The following UBASH3B variants were observed in gnomAD, a reference collection of about 807,000 sequenced individuals.
UBASH3B encodes the protein ubiquitin associated and SH3 domain containing B, also known as ubiquitin-associated and SH3 domain-containing protein B.
UBASH3B carries 37 observed loss-of-function variants against 83.4 expected under a neutral mutation model. The ratio of observed to expected loss-of-function variants is 0.44; its 90% CI spans 0.34 to 0.58. The LOEUF (loss-of-function observed/expected upper bound fraction) is 0.58, where lower values mean the gene tolerates loss of function less well. Among genes scored for constraint, UBASH3B ranks in the 20% least tolerant of loss-of-function variants. UBASH3B has a pLI of 0.01. For missense variants in UBASH3B, 657 were observed against 827.2 expected (o/e 0.79, Z 2.52); for synonymous variants, 304 against 318.3 (o/e 0.96, Z 0.48).
rs771679857 is a variant in UBASH3B at position 122,761,662 on chromosome 11, AGC to A, written c.162-14556_162-14555del. Among the ~76,000 whole-genome samples the A allele has an allele frequency of 7.2e-5, 11 of 151,754 alleles. No individual in the cohort carries two copies. In the South Asian group the frequency reaches 1.3e-3, roughly 17 times the overall value. ...AAATTACCCAAGTTTAAGTATTTTT[AGC>A]TGATTCTAGTGGGTTAGAGAGAAAA... On this transcript the variant is annotated intron_variant, in intron 1 of 13. Transcript: ENST00000284273.
intron 1 of UBASH3B, among the ~76,000 whole-genome samples, chr11:122,708,697 G>T (rs769964308): frequency 6.6e-6 from 1 of 152,110 alleles, no homozygotes; most frequent in Non-Finnish European, 1.5e-5. Context: ...AAAGATCCAC[G>T]CAGGTTTTGG....
At chr11:122,753,210 G>A (rs111711628) in intron 1 of UBASH3B, among the ~76,000 whole-genome samples, 6,625 of 151,632 alleles carry the variant, frequency 0.044, 174 homozygotes, top group Middle Eastern at 0.086. Context: ...TTGGGAGGCC[G>A]AGGCGGGCGG....
At position 122,792,964 on chromosome 11, in the gene UBASH3B, GTAGA is replaced by G. The variant is rs544486296; in HGVS notation, c.981-1733_981-1730del. Among the ~76,000 whole-genome samples the G allele has an allele frequency of 9.1e-4, 139 of 152,222 alleles. 1 individual carries two copies. The highest frequency in any genetic ancestry group is 3.3e-3 in the East Asian group (17 of 5,186). On this transcript the variant is annotated intron_variant, in intron 6 of 13. Transcript: ENST00000284273. ...GAGACTTCTGAGACTTCGTTTATAAGTAGATAGAATGAGTCTATCACTTCTAGTG... is the reference window on the plus strand; with the variant it reads ...GAGACTTCTGAGACTTCGTTTATAAGTAGAATGAGTCTATCACTTCTAGTG...
At chr11:122,796,800 GTGATCT>G in intron 8 of UBASH3B, 105 bp from the exon 9 acceptor site, 3 of 1,429,392 alleles carry the variant, frequency 2.1e-6, no homozygotes, top group Non-Finnish European at 2.9e-6. Context: ...AGAGCTCAGT[GTGATCT>G]CTTTGGCCAA....
intron 1 of UBASH3B, chr11:122,776,011 T>A: frequency 2.1e-6 from 1 of 487,706 alleles, no homozygotes; most frequent in Non-Finnish European, 3.6e-6. Flanking sequence ...AATCTGATGC[T>A]AATCACATGG....
chr11:122,694,814 G>A (rs1863941064), intron 1 of UBASH3B, among the ~76,000 whole-genome samples: 1 of 151,974 alleles, frequency 6.6e-6, no homozygotes. Context: ...GATTTAGTGT[G>A]CCACAGTGGA....
At chr11:122,739,734 AT>A in intron 1 of UBASH3B, among the ~76,000 whole-genome samples, 1 of 152,292 alleles carries the variant, frequency 6.6e-6, no homozygotes, top group South Asian at 2.1e-4. Flanking sequence ...GGCATAGCTC[AT>A]TTGCTGTGTA....
At chr11:122,665,293 T>G (rs985881202) in intron 1 of UBASH3B, among the ~76,000 whole-genome samples, 1 of 152,228 alleles carries the variant, frequency 6.6e-6, no homozygotes, top group African/African-American at 2.4e-5. Context: ...TCCTCCTGCC[T>G]CAGCCTTCTG....
At chr11:122,747,095 C>A (rs1861130936) in intron 1 of UBASH3B, among the ~76,000 whole-genome samples, 1 of 152,154 alleles carries the variant, frequency 6.6e-6, no homozygotes, top group Non-Finnish European at 1.5e-5. Context: ...ACCGGAGAGG[C>A]AGCTGGGCTG....
intron 1 of UBASH3B, among the ~76,000 whole-genome samples, chr11:122,679,635 T>G (rs1863713196): frequency 6.6e-6 from 1 of 152,178 alleles, no homozygotes; most frequent in Non-Finnish European, 1.5e-5. Flanking sequence ...AGTAAATATT[T>G]CAGGCTTGGC....
At chr11:122,739,612 A>G (rs1860992659) in intron 1 of UBASH3B, among the ~76,000 whole-genome samples, 1 of 152,194 alleles carries the variant, frequency 6.6e-6, no homozygotes, top group African/African-American at 2.4e-5. Flanking sequence ...CAGGAGACAT[A>G]AATTTTCTTC....
At chr11:122,671,604 T>A (rs1444036329) in intron 1 of UBASH3B, among the ~76,000 whole-genome samples, 1 of 152,208 alleles carries the variant, frequency 6.6e-6, no homozygotes, top group Non-Finnish European at 1.5e-5. Flanking sequence ...ACACCACAGA[T>A]CTCCCGGTAT....
intron 1 of UBASH3B, among the ~76,000 whole-genome samples, chr11:122,686,366 T>C (rs900165732): frequency 6.6e-6 from 1 of 152,214 alleles, no homozygotes; most frequent in Non-Finnish European, 1.5e-5. Flanking sequence ...GACAGCAGAC[T>C]CAGGTACAAT....
chr11:122,809,859 C>G lies in UBASH3B; in HGVS notation c.1923C>G (p.Asn641Lys), dbSNP rs139627911. 4 of 1,614,040 alleles carry G rather than the reference C, an allele frequency of 2.5e-6. No individual in the cohort carries two copies. Among genetic ancestry groups the G allele is most frequent in the Non-Finnish European group, 3.4e-6 (4 of 1,180,020 alleles). Reference sequence around the variant, plus strand: ...CCCATGGACCAACTGGGGGCTTCAACTGGAGAGAGACCTTGCTTCAAGAAT... The same window carrying G: ...CCCATGGACCAACTGGGGGCTTCAAGTGGAGAGAGACCTTGCTTCAAGAAT... ...PLTHGPTGGF[N>K]WRETLLQE Residue 641 changes from asparagine to lysine, a missense_variant, in exon 14 of 14, where the codon AAC (asparagine) becomes AAG (lysine). This residue lies in a region of UBASH3B where 573 missense variants were observed against 739.0 expected (regional missense o/e 0.78). Coordinates refer to ENST00000284273, the MANE Select transcript of UBASH3B (RefSeq NM_032873.5).
chr11:122,691,959 G>A (rs1440258971), intron 1 of UBASH3B, among the ~76,000 whole-genome samples: 3 of 152,132 alleles, frequency 2.0e-5, no homozygotes, highest in South Asian at 2.1e-4. Flanking sequence ...GAAGGAGGGC[G>A]GTAGGTCAGA....
intron 1 of UBASH3B, among the ~76,000 whole-genome samples, chr11:122,730,835 T>A (rs1186041241): frequency 6.6e-6 from 1 of 152,138 alleles, no homozygotes; most frequent in Non-Finnish European, 1.5e-5. Context: ...CCTCAGGTGA[T>A]CCGCCCGCCT....
intron 1 of UBASH3B, among the ~76,000 whole-genome samples, chr11:122,770,998 T>G (rs982796779): frequency 3.3e-5 from 5 of 152,216 alleles, no homozygotes; most frequent in Admixed American, 2.6e-4. Context: ...GTCCAAGCTC[T>G]AAAGTGACGC....
intron 1 of UBASH3B, among the ~76,000 whole-genome samples, chr11:122,686,459 G>A (rs991921531): frequency 1.5e-4 from 23 of 152,238 alleles, no homozygotes; most frequent in African/African-American, 5.3e-4. Flanking sequence ...CCAAGGATGT[G>A]TTGCCAGTGG....
In UBASH3B at chr11:122,780,519, G is replaced by A. The variant is rs145836655; in HGVS notation, c.601+824G>A. On this transcript the variant is annotated intron_variant, in intron 4 of 13. Coordinates refer to ENST00000284273, the MANE Select transcript of UBASH3B (RefSeq NM_032873.5). ...TCCAGCATGAAATCACAATTGGCAGGTACTTACTGGTCACCTACTATGAGG... is the reference window on the plus strand; with the variant it reads ...TCCAGCATGAAATCACAATTGGCAGATACTTACTGGTCACCTACTATGAGG... Among the ~76,000 whole-genome samples, 321 of 152,304 alleles carry A rather than the reference G, an allele frequency of 2.1e-3. 2 individuals carry two copies. The highest frequency in any genetic ancestry group is 2.8e-3 in the Non-Finnish European group (190 of 68,034).
Sources: gnomAD v4.1 joint callset for allele counts (sites outside exome capture counted in the v4.1 genomes callset) on GRCh38, gnomAD v4.1.1 for gene constraint, gnomAD v4.1.1 regional missense constraint, MANE v1.5 for transcripts, NCBI Gene and HGNC (gene_info 2026-07-23, HGNC 2026-07-21) for gene names.